The following PTP4A1 variants were observed in gnomAD, a reference collection of about 807,000 sequenced individuals.
PTP4A1 encodes protein tyrosine phosphatase 4A1.
Under a neutral mutation model 20.5 loss-of-function variants are expected in PTP4A1, and 9 were observed. That is an observed-to-expected ratio of 0.44 (90% CI 0.26 to 0.77). PTP4A1 has a LOEUF of 0.77. Among genes scored for constraint, PTP4A1 ranks in the 30% least tolerant of loss-of-function variants. The pLI, the probability that PTP4A1 is intolerant of heterozygous loss-of-function variation, is 0.19. For synonymous variants in PTP4A1, 78 were observed against 67.4 expected (o/e 1.16, Z -0.77); for missense variants, 137 against 218.8 (o/e 0.63, Z 2.36).
At chr6:63,530,000 G>A (rs867210697) in intron 2 of PTP4A1, among the ~76,000 whole-genome samples, 1 of 151,996 alleles carries the variant, frequency 6.6e-6, no homozygotes, top group South Asian at 2.1e-4. Context: ...AGAGTTATGA[G>A]TAATATTTCA....
At chr6:63,546,922 AC>A (rs1032042351) in intron 2 of PTP4A1, among the ~76,000 whole-genome samples, 4 of 152,216 alleles carry the variant, frequency 2.6e-5, no homozygotes, top group African/African-American at 9.7e-5. Flanking sequence ...ATATATATAA[AC>A]ATCACACAGT....
chr6:63,580,315 T>C lies in PTP4A1; in HGVS notation c.*141T>C. ...AAGGCAGTTTTACCAGGCCTCAAGC[T>C]AGACAGATTTGGCAACCTCTGTATT... On this transcript the variant is annotated 3_prime_UTR_variant, in exon 6 of 6. Coordinates refer to ENST00000626021, the MANE Select transcript of PTP4A1 (RefSeq NM_003463.5). The C allele has an allele frequency of 2.9e-6, 2 of 694,482 alleles. No homozygotes were observed. Among genetic ancestry groups the C allele is most frequent in the East Asian group, 2.5e-5 (1 of 39,488 alleles). 43.0% of individuals were successfully genotyped at this position (694,482 alleles called of 1,614,324 possible).
At chr6:63,556,290 C>T (rs921001654) in intron 3 of PTP4A1, among the ~76,000 whole-genome samples, 2 of 151,982 alleles carry the variant, frequency 1.3e-5, no homozygotes, top group African/African-American at 4.8e-5. Flanking sequence ...TCCAGAGTAG[C>T]TAGGAATACA....
chr6:63,572,932 G>C (rs939735928), intron 1 of PTP4A1, among the ~76,000 whole-genome samples: 3 of 152,172 alleles, frequency 2.0e-5, no homozygotes, highest in African/African-American at 7.2e-5. Context: ...CCTCGGGGCT[G>C]CGGGGTGGCG....
upstream of PTP4A1, among the ~76,000 whole-genome samples, chr6:63,516,896 G>C (rs1489744903): frequency 1.3e-5 from 2 of 152,162 alleles, no homozygotes; most frequent in South Asian, 4.1e-4. Flanking sequence ...ATGTGCCAGA[G>C]GTATTAGACA....
At chr6:63,531,862 C>G (rs1167861931) in intron 2 of PTP4A1, among the ~76,000 whole-genome samples, 1 of 150,492 alleles carries the variant, frequency 6.6e-6, no homozygotes. Flanking sequence ...GAGTCTTGCT[C>G]TATCACCCAG....
chr6:63,517,684 A>G (rs1774780505), upstream of PTP4A1, among the ~76,000 whole-genome samples: 1 of 152,174 alleles, frequency 6.6e-6, no homozygotes, highest in Admixed American at 6.6e-5. Context: ...CTTTTATATC[A>G]GAAATTGTCA....
chr6:63,526,839 ATT>A (rs1775210966), intron 1 of PTP4A1, among the ~76,000 whole-genome samples: 2 of 141,434 alleles, frequency 1.4e-5, no homozygotes, highest in Non-Finnish European at 3.1e-5. Context: ...ATATATATTT[ATT>A]TATTTATTCT....
chr6:63,559,190 G>A lies in PTP4A1; in HGVS notation c.-446+8697G>A, dbSNP rs1776823976. On this transcript the variant is annotated intron_variant, in intron 3 of 3. Coordinates refer to the PTP4A1 transcript ENST00000639568. ...TCATATTTACAAATAACATGCTAAT[G>A]AGGAAAAATATCTTATAAATACTCC... Among the ~76,000 whole-genome samples the A allele has an allele frequency of 2.0e-5, 3 of 152,126 alleles. No individual in the cohort carries two copies. The South Asian group carries it at 6.2e-4, about 32-fold the overall frequency.
intron 2 of PTP4A1, chr6:63,549,476 CT>C: frequency 1.3e-6 from 1 of 787,480 alleles, no homozygotes; most frequent in Non-Finnish European, 2.2e-6. Context: ...CCGGAGCCAC[CT>C]TCTTTCCCTT....
At position 63,580,828 on chromosome 6, in the gene PTP4A1, C is replaced by T. The variant is rs879457337; in HGVS notation, c.*654C>T. The T allele has an allele frequency of 2.0e-5, 3 of 151,802 alleles. No individual in the cohort carries two copies. Among genetic ancestry groups the T allele is most frequent in the Admixed American group, 6.6e-5 (1 of 15,154 alleles). The allele number at this position is 151,802 out of a possible 1,614,324, so 9.4% of individuals were successfully genotyped here. ...AAAAAACCTCCATTTTGAAAATCTA[C>T]GTTGTACAGAAGCACATGTCTTTAA... On this transcript the variant is annotated 3_prime_UTR_variant, in exon 6 of 6. Transcript: ENST00000626021.
chr6:63,547,320 G>A (rs1776235057), intron 2 of PTP4A1, among the ~76,000 whole-genome samples: 1 of 151,226 alleles, frequency 6.6e-6, no homozygotes, highest in African/African-American at 2.4e-5. Flanking sequence ...CTCCCGAGTA[G>A]CTGGGACTAC....
intron 1 of PTP4A1, among the ~76,000 whole-genome samples, chr6:63,523,121 C>T (rs1469757938): frequency 6.6e-6 from 1 of 151,942 alleles, no homozygotes; most frequent in African/African-American, 2.4e-5. Context: ...CCACCTCAGC[C>T]TCCTAAAGTG....
chr6:63,539,375 T>A (rs1775857311), intron 2 of PTP4A1, among the ~76,000 whole-genome samples: 1 of 152,174 alleles, frequency 6.6e-6, no homozygotes, highest in Non-Finnish European at 1.5e-5. Flanking sequence ...CCCTCCAGGA[T>A]TCCATCCCAC....
chr6:63,540,618 C>G (rs1408336618), intron 2 of PTP4A1, among the ~76,000 whole-genome samples: 1 of 151,158 alleles, frequency 6.6e-6, no homozygotes. Flanking sequence ...GATAGAGACC[C>G]TGTATCACAA....
At chr6:63,518,145 C>T (rs1774798584), upstream of PTP4A1, among the ~76,000 whole-genome samples, 1 of 143,794 alleles carries the variant, frequency 7.0e-6, no homozygotes, top group Non-Finnish European at 1.5e-5. Context: ...CACAGTGAGA[C>T]TCCGTCTCCA....
At chr6:63,534,612 A>C (rs1449646243) in intron 2 of PTP4A1, among the ~76,000 whole-genome samples, 1 of 151,818 alleles carries the variant, frequency 6.6e-6, no homozygotes, top group Non-Finnish European at 1.5e-5. Context: ...CCCAAGAGTT[A>C]GCCCAGGCAA....
chr6:63,573,959 C>A (rs1159853171), intron 1 of PTP4A1, among the ~76,000 whole-genome samples: 1 of 152,284 alleles, frequency 6.6e-6, no homozygotes, highest in Admixed American at 6.5e-5. Flanking sequence ...TGGTTTGTGG[C>A]AGCAGTAGCC....
chr6:63,572,916 C>T (rs975322442), intron 1 of PTP4A1, among the ~76,000 whole-genome samples, 197 bp downstream of exon 1: 2 of 152,002 alleles, frequency 1.3e-5, no homozygotes, highest in Non-Finnish European at 2.9e-5. Context: ...AGGCAGATGC[C>T]GGGCCCCTCG....
Sources: gnomAD v4.1 joint callset for allele counts (sites outside exome capture counted in the v4.1 genomes callset) on GRCh38, gnomAD v4.1.1 for gene constraint, MANE v1.5 for transcripts, NCBI Gene and HGNC (gene_info 2026-07-23, HGNC 2026-07-21) for gene names.